The following LMBRD2 variants were observed in gnomAD, a reference collection of about 807,000 sequenced individuals.
The protein encoded by LMBRD2 is LMBR1 domain containing 2.
A neutral mutation model predicts 94.4 loss-of-function variants in LMBRD2; 55 were observed. The ratio of observed to expected loss-of-function variants is 0.58; its 90% CI spans 0.47 to 0.73. The LOEUF is 0.73. LMBRD2 is among the 30% of genes least tolerant of loss of function. The pLI is 0.00. For synonymous variants in LMBRD2, 246 were observed against 272.4 expected (o/e 0.90, Z 0.95); for missense variants, 640 against 831.9 (o/e 0.77, Z 2.84).
At position 36,104,033 on chromosome 5, in the gene LMBRD2, A is replaced by G. The variant is rs1246653766; in HGVS notation, c.*13T>C. ...TTGACCTTGGTTAGTGGTCCCACAA[A>G]CTTTTTCAGACTTTAAACATCATTA... On this transcript the variant is annotated 3_prime_UTR_variant, in exon 18 of 18. Coordinates refer to ENST00000296603, the MANE Select transcript of LMBRD2 (RefSeq NM_001007527.2). The G allele has an allele frequency of 6.2e-7, 1 of 1,605,850 alleles. No homozygotes were observed.
rs781122790 is a variant in LMBRD2, at chr5:36,117,745, ATATAAT to A, written c.1286_1291del (p.Asn429_Tyr430del). 85 of 1,601,320 alleles carry A rather than the reference ATATAAT, an allele frequency of 5.3e-5. No individual in the cohort carries two copies. The highest frequency in any genetic ancestry group is 3.3e-4 in the Admixed American group (19 of 58,434). ...ATAAAATAAACTGACCTCGATATAA[ATATAAT>A]TATATGTTTTTTCTGCCAGCTGTAT... is the stretch of plus-strand genomic sequence containing the variant. On this transcript the variant is annotated inframe_deletion, in exon 10 of 18. Transcript: ENST00000296603.
chr5:36,122,755 C>A, intron 8 of LMBRD2, 93 bp downstream of exon 8: 1 of 1,407,168 alleles, frequency 7.1e-7, no homozygotes, highest in Non-Finnish European at 9.5e-7. Flanking sequence ...GTTTTAAATA[C>A]ACATTCACTA....
At position 36,105,197 on chromosome 5, in the gene LMBRD2, G is replaced by A. The variant is rs1365929861; in HGVS notation, c.1898C>T (p.Ser633Phe). The A allele has an allele frequency of 6.2e-7, 1 of 1,611,382 alleles. No individual in the cohort carries two copies. Among genetic ancestry groups the A allele is most frequent in the African/African-American group, 1.3e-5 (1 of 74,884 alleles). Residue 633 changes from serine (S) to phenylalanine (F), a missense_variant and splice_region_variant, in exon 17 of 18, where the codon TCT becomes TTT. Physicochemically the swap from Ser to Phe is radical, Grantham distance 155 (BLOSUM62 -2). This residue lies in a region of LMBRD2 where 183 missense variants were observed against 189.1 expected (regional missense o/e 0.97). Coordinates refer to ENST00000296603, the MANE Select transcript of LMBRD2 (RefSeq NM_001007527.2). Reference protein sequence around the residue: ...SNFSDVNTNRSAFKYTRANNR... With the variant: ...SNFSDVNTNRFAFKYTRANNR... ...ATTAGCCCTGGTATATTTGAATGCA[G>A]CTGCAAAGGAAGGGGGAAAAATGTC...
At chr5:36,112,713 T>G (rs1431404532) in intron 13 of LMBRD2, among the ~76,000 whole-genome samples, 1 of 152,156 alleles carries the variant, frequency 6.6e-6, no homozygotes, top group East Asian at 1.9e-4. Flanking sequence ...ATAGCTAAGA[T>G]TTTATAGTTG....
At chr5:36,126,561 C>T (rs1744012314) in intron 6 of LMBRD2, among the ~76,000 whole-genome samples, 1 of 152,144 alleles carries the variant, frequency 6.6e-6, no homozygotes, top group Non-Finnish European at 1.5e-5. Context: ...AAAAAAGTAG[C>T]TGTTTCTCCC....
chr5:36,137,579 T>C (rs1169053536), intron 4 of LMBRD2, 138 bp from the exon 5 acceptor site: 1 of 514,952 alleles, frequency 1.9e-6, no homozygotes, highest in Non-Finnish European at 3.3e-6. Context: ...TAATCATGAA[T>C]ACTTAATAAC....
At position 36,137,254 on chromosome 5, in the gene LMBRD2, AAGAAGACT is replaced by A; in HGVS notation, c.536+12_536+19del. On this transcript the variant is annotated intron_variant, in intron 5 of 17. Transcript: ENST00000296603. ...TGCAAACATACATTAAAGCAATGTTAAGAAGACTACTTTTCTTACCATTCTAAATGTAA... is the reference window on the plus strand; with the variant it reads ...TGCAAACATACATTAAAGCAATGTTAACTTTTCTTACCATTCTAAATGTAA... 6.7e-7 allele frequency: 1 copy of A among 1,499,962 alleles called. No homozygotes were observed. 92.9% of individuals were successfully genotyped at this position (1,499,962 alleles called of 1,614,324 possible). A position where few individuals can be genotyped will look rare whatever the true frequency, so the allele number is the denominator to read the frequency against.
intron 6 of LMBRD2, among the ~76,000 whole-genome samples, chr5:36,126,334 CAATT>C (rs1217012741): frequency 6.6e-6 from 1 of 152,036 alleles, no homozygotes; most frequent in Non-Finnish European, 1.5e-5. Flanking sequence ...AGTACTGAAA[CAATT>C]AATTAACATT....
At chr5:36,122,705 T>A in intron 8 of LMBRD2, 143 bp downstream of exon 8, 1 of 1,143,536 alleles carries the variant, frequency 8.7e-7, no homozygotes, top group South Asian at 1.8e-5. Context: ...TACACAGAGA[T>A]AAAATATTTC....
intron 11 of LMBRD2, among the ~76,000 whole-genome samples, chr5:36,115,990 G>A (rs1355032251): frequency 6.6e-6 from 1 of 152,052 alleles, no homozygotes; most frequent in African/African-American, 2.4e-5. Context: ...ATACCTAATA[G>A]GACTCATTTA....
Position 36,098,571 on chromosome 5 carries a change from GTAAT to G in LMBRD2, c.*5471_*5474del, listed in dbSNP as rs1396971811. 7 of 151,992 alleles carry G rather than the reference GTAAT, an allele frequency of 4.6e-5. No homozygotes were observed. Among genetic ancestry groups the G allele is most frequent in the African/African-American group, 1.7e-4 (7 of 41,422 alleles). The allele number at this position is 151,992 out of a possible 1,614,324, so 9.4% of individuals were successfully genotyped here. A position where few individuals can be genotyped will look rare whatever the true frequency, so the allele number is the denominator to read the frequency against. On this transcript the variant is annotated 3_prime_UTR_variant, in exon 18 of 18. Transcript: ENST00000296603. ...AAAATTCTTATTAACTTGTAGAAAT[GTAAT>G]TTATTTCATGCAAAGCTACATTCTT...
intron 4 of LMBRD2, among the ~76,000 whole-genome samples, chr5:36,138,226 G>A (rs1420853367): frequency 6.6e-6 from 1 of 152,166 alleles, no homozygotes; most frequent in African/African-American, 2.4e-5. Flanking sequence ...ATGTATAAGT[G>A]GAGGAGAATA....
At position 36,108,673 on chromosome 5, in the gene LMBRD2, A is replaced by T. The variant is rs372987273; in HGVS notation, c.1792-34T>A. Reference sequence around the variant, plus strand: ...GAAGCACAAATAATCATATAATAGAACAGAAAATAATTCATTAATGTCAAG... The same window carrying T: ...GAAGCACAAATAATCATATAATAGATCAGAAAATAATTCATTAATGTCAAG... On this transcript the variant is annotated intron_variant, in intron 15 of 17. Transcript: ENST00000296603. 8 of 1,025,186 alleles carry T rather than the reference A, an allele frequency of 7.8e-6. No individual in the cohort carries two copies. In the African/African-American group the frequency reaches 1.3e-4, roughly 17 times the overall value. 63.5% of individuals were successfully genotyped at this position (1,025,186 alleles called of 1,614,324 possible).
At chr5:36,127,107 T>C (rs458102) in intron 6 of LMBRD2, among the ~76,000 whole-genome samples, 8,168 of 152,322 alleles carry the variant, frequency 0.054, 751 homozygotes, top group African/African-American at 0.19. Flanking sequence ...TCTGTCCAAT[T>C]TTCTACTCTA....
intron 2 of LMBRD2, 189 bp from the exon 3 acceptor site, chr5:36,142,788 G>C (rs1003012660): frequency 7.2e-6 from 3 of 417,720 alleles, no homozygotes; most frequent in African/African-American, 4.2e-5. Context: ...GCAGTGGCGC[G>C]ATCTCGGCTT....
In LMBRD2 at chr5:36,119,991, TTTTC is replaced by T. The variant is rs1011479523; in HGVS notation, c.1121-2079_1121-2076del. ...CTTATCAAATTCTATGAATTTTTTC[TTTTC>T]TTTCTCTTTCTTTCTTTCTCTCTTT... On this transcript the variant is annotated intron_variant, in intron 9 of 17. Transcript: ENST00000296603. 4.3e-4 allele frequency among the ~76,000 whole-genome samples: 65 copies of T among 152,182 alleles called. 1 individual carries two copies. The Middle Eastern group carries it at 0.017, about 40-fold the overall frequency.
In LMBRD2 at chr5:36,131,284, T is replaced by C. The variant is rs532920039; in HGVS notation, c.747+5025A>G. On this transcript the variant is annotated intron_variant, in intron 6 of 17. Coordinates refer to ENST00000296603, the MANE Select transcript of LMBRD2 (RefSeq NM_001007527.2). Reference sequence around the variant, plus strand: ...GAGAAAGCATTGATAAAATTCGGCATCCCTTTATGATAAAAACCCTAAAAA... The same window carrying C: ...GAGAAAGCATTGATAAAATTCGGCACCCCTTTATGATAAAAACCCTAAAAA... Among the ~76,000 whole-genome samples, 363 of 152,156 alleles carry C rather than the reference T, an allele frequency of 2.4e-3. 1 individual carries two copies. Among genetic ancestry groups the C allele is most frequent in the Non-Finnish European group, 3.9e-3 (262 of 67,970 alleles).
At chr5:36,117,094 C>T (rs1479785216) in intron 10 of LMBRD2, among the ~76,000 whole-genome samples, 1 of 152,080 alleles carries the variant, frequency 6.6e-6, no homozygotes, top group East Asian at 1.9e-4. Flanking sequence ...GTTTAACATC[C>T]TAGATCCAAA....
intron 1 of LMBRD2, among the ~76,000 whole-genome samples, chr5:36,150,751 T>C (rs1342767134): frequency 6.6e-6 from 1 of 152,196 alleles, no homozygotes; most frequent in East Asian, 1.9e-4. Context: ...TTTACACCAA[T>C]CTCATCTTTC....
Sources: allele counts gnomAD v4.1 joint callset (sites outside exome capture counted in the v4.1 genomes callset), GRCh38; gene constraint gnomAD v4.1.1; regional missense constraint gnomAD v4.1.1; transcripts MANE v1.5; gene names NCBI Gene and HGNC (gene_info 2026-07-23, HGNC 2026-07-21).